Variants in KLHL29 observed in about 807,000 individuals in gnomAD.
KLHL29 encodes kelch-like protein 29.
KLHL29 carries 21 observed loss-of-function variants against 80.4 expected under a neutral mutation model. That is an observed-to-expected ratio of 0.26 (90% CI 0.19 to 0.38). The LOEUF (loss-of-function observed/expected upper bound fraction) is 0.38. Among genes scored for constraint, KLHL29 ranks in the 10% least tolerant of loss-of-function variants. The pLI is 1.00. For synonymous variants in KLHL29, 511 were observed against 526.8 expected (o/e 0.97, Z 0.41); for missense variants, 867 against 1,223.9 (o/e 0.71, Z 4.35).
intron 3 of KLHL29, among the ~76,000 whole-genome samples, chr2:23,632,867 T>G (rs1669505539): frequency 6.6e-6 from 1 of 152,234 alleles, no homozygotes; most frequent in African/African-American, 2.4e-5. Context: ...ATCACCCAGC[T>G]TTCCAGACTG....
rs74660964 is a variant in KLHL29, at chr2:23,503,850, G to T, written c.-46+28183G>T. ...GCACACATTGCCGTCTTTGTTTAAA[G>T]AGAGGCGGAGGCAGACCCCAGGCAT... is the stretch of plus-strand genomic sequence containing the variant. On this transcript the variant is annotated intron_variant, in intron 2 of 13. Transcript: ENST00000486442. The surrounding 1 kb of genome is among the most constrained non-coding windows in gnomAD (Gnocchi z 4.0). Among the ~76,000 whole-genome samples the T allele has an allele frequency of 0.14, 21,238 of 152,160 alleles. 2,124 individuals carry two copies. Among genetic ancestry groups the T allele is most frequent in the East Asian group, 0.55 (2,839 of 5,142 alleles).
At chr2:23,552,314 G>A (rs1226787845) in intron 2 of KLHL29, among the ~76,000 whole-genome samples, 2 of 152,218 alleles carry the variant, frequency 1.3e-5, no homozygotes, top group East Asian at 3.8e-4. Flanking sequence ...AGTGATGATG[G>A]TTTGATGGTT....
At chr2:23,583,270 G>A (rs1668031290) in intron 3 of KLHL29, among the ~76,000 whole-genome samples, 1 of 152,182 alleles carries the variant, frequency 6.6e-6, no homozygotes, top group South Asian at 2.1e-4. Context: ...CCATGGAAGG[G>A]TCTCTTCCTA....
chr2:23,480,589 A>ACT (rs1327127831), intron 2 of KLHL29, among the ~76,000 whole-genome samples: 1 of 152,244 alleles, frequency 6.6e-6, no homozygotes, highest in African/African-American at 2.4e-5. Flanking sequence ...TTTAACCACT[A>ACT]CTTTCAACTC....
chr2:23,412,133 G>A (rs947154023), intron 1 of KLHL29, among the ~76,000 whole-genome samples: 1 of 145,310 alleles, frequency 6.9e-6, no homozygotes, highest in African/African-American at 2.6e-5. Context: ...GGGGGGGGGG[G>A]GGCGGTGCGG....
intron 5 of KLHL29, among the ~76,000 whole-genome samples, chr2:23,683,215 G>A (rs931000075): frequency 4.9e-4 from 74 of 152,240 alleles, no homozygotes; most frequent in African/African-American, 9.6e-5. Context: ...GAGCAGGGGC[G>A]ATGGCCGGTG....
intron 3 of KLHL29, among the ~76,000 whole-genome samples, chr2:23,563,685 G>T (rs913605646): frequency 1.3e-5 from 2 of 152,194 alleles, no homozygotes. Flanking sequence ...CTCCCTTTCA[G>T]CCCTGCTTCC....
intron 11 of KLHL29, among the ~76,000 whole-genome samples, chr2:23,702,480 ATAAATTCTCCCAAAATG>A (rs879943260): frequency 6.6e-6 from 1 of 152,222 alleles, no homozygotes; most frequent in Non-Finnish European, 1.5e-5. Flanking sequence ...TGTCTGCACT[ATAAATTCTCCCAAAATG>A]CCACCTTTGC....
At chr2:23,472,894 C>T (rs1305241993) in intron 1 of KLHL29, among the ~76,000 whole-genome samples, 1 of 152,150 alleles carries the variant, frequency 6.6e-6, no homozygotes, top group Non-Finnish European at 1.5e-5. Flanking sequence ...ATGTATCTAT[C>T]GGGGTCTTGA....
At chr2:23,586,679 A>G (rs1023868627) in intron 3 of KLHL29, among the ~76,000 whole-genome samples, 2 of 152,274 alleles carry the variant, frequency 1.3e-5, no homozygotes, top group South Asian at 4.1e-4. Context: ...TTTTTAAAGT[A>G]AGGATCGGGG....
intron 1 of KLHL29, among the ~76,000 whole-genome samples, chr2:23,415,421 G>T (rs1666959498): frequency 6.6e-6 from 1 of 152,238 alleles, no homozygotes. Flanking sequence ...CTTTTGTGAA[G>T]CGAAGGTGAT....
intron 13 of KLHL29, 142 bp downstream of exon 13, chr2:23,704,005 T>G: frequency 2.0e-6 from 2 of 1,014,528 alleles, no homozygotes; most frequent in South Asian, 3.4e-5. Flanking sequence ...ACCACAGGAG[T>G]GGGCATTAGC....
At chr2:23,601,112 G>A (rs576128479) in intron 3 of KLHL29, among the ~76,000 whole-genome samples, 1 of 152,238 alleles carries the variant, frequency 6.6e-6, no homozygotes, top group African/African-American at 2.4e-5. Flanking sequence ...GGTCTATCCT[G>A]CCCCCAAGTT....
chr2:23,416,586 C>T (rs1257574523), intron 1 of KLHL29, among the ~76,000 whole-genome samples: 1 of 152,112 alleles, frequency 6.6e-6, no homozygotes, highest in Non-Finnish European at 1.5e-5. Context: ...TTCACATCAC[C>T]CTGTCTTTTG....
At position 23,647,453 on chromosome 2, in the gene KLHL29, G is replaced by A. The variant is rs78922248; in HGVS notation, c.940+4603G>A. Among the ~76,000 whole-genome samples the A allele has an allele frequency of 1.6e-3, 246 of 152,224 alleles. 1 individual carries two copies. Among genetic ancestry groups the A allele is most frequent in the African/African-American group, 5.5e-3 (230 of 41,536 alleles). ...TTCAGGGTTCAGACTCAAGGCCTGC[G>A]TTGTCTGTGGCCAGCCCTTTGTCCA... On this transcript the variant is annotated intron_variant, in intron 5 of 13. Coordinates refer to ENST00000486442, the MANE Select transcript of KLHL29 (RefSeq NM_052920.2). This position sits in a 1 kb window ranked among gnomAD's most constrained non-coding sequence, Gnocchi z 4.9.
intron 1 of KLHL29, among the ~76,000 whole-genome samples, chr2:23,395,228 C>CAGAGCAGAG (rs374280713): frequency 3.4e-4 from 52 of 152,264 alleles, no homozygotes; most frequent in African/African-American, 1.2e-3. Context: ...TGAGACAGTC[C>CAGAGCAGAG]AGAGCAGAGA....
At chr2:23,499,308 T>A (rs1199022659) in intron 2 of KLHL29, among the ~76,000 whole-genome samples, 1 of 152,036 alleles carries the variant, frequency 6.6e-6, no homozygotes, top group African/African-American at 2.4e-5. Flanking sequence ...CTCCCTTCTT[T>A]GGGGTGACTG....
At chr2:23,630,314 C>G (rs537653709) in intron 3 of KLHL29, among the ~76,000 whole-genome samples, 1 of 152,156 alleles carries the variant, frequency 6.6e-6, no homozygotes, top group Non-Finnish European at 1.5e-5. Context: ...ATGGCATGAG[C>G]GCAGCCTTGA....
At chr2:23,472,704 G>A (rs1479289759) in intron 1 of KLHL29, among the ~76,000 whole-genome samples, 5 of 152,170 alleles carry the variant, frequency 3.3e-5, no homozygotes, top group African/African-American at 7.2e-5. Context: ...CTCTTCTCGA[G>A]TAGTATCTTT....
Sources: gnomAD v4.1 joint callset for allele counts (sites outside exome capture counted in the v4.1 genomes callset) on GRCh38, gnomAD v4.1.1 for gene constraint, Gnocchi (gnomAD v3.1) non-coding constraint, MANE v1.5 for transcripts, NCBI Gene and HGNC (gene_info 2026-07-23, HGNC 2026-07-21) for gene names.